The following KCNG2 variants were observed in gnomAD, a reference collection of about 807,000 sequenced individuals.
The protein encoded by KCNG2 is potassium voltage-gated channel modifier subfamily G member 2.
A neutral mutation model predicts 12.3 loss-of-function variants in KCNG2; 7 were observed. The observed-to-expected ratio is 0.57, with a 90% CI of 0.32 to 1.07. KCNG2 has a LOEUF of 1.07. KCNG2 is among the 50% of genes least tolerant of loss of function. KCNG2 has a pLI of 0.04. For synonymous variants in KCNG2, 414 were observed against 351.4 expected, an observed-to-expected ratio of 1.18 and a Z score of -1.99; for missense variants, 703 against 726.0, an observed-to-expected ratio of 0.97 and a Z score of 0.36.
rs1414153313 is a variant in KCNG2, at chr18:79,884,967, G to A, written c.625-14073G>A. On this transcript the variant is annotated intron_variant, in intron 3 of 3. Coordinates refer to ENST00000316249, the MANE Select transcript of KCNG2 (RefSeq NM_012283.2). The surrounding 1 kb of genome is among the most constrained non-coding windows in gnomAD (Gnocchi z 5.5). ...AGCCCACACTGATCTCTGAGTGTGC[G>A]GTCCACTTTCCCTCCCCAAAGAAGC... Among the ~76,000 whole-genome samples, 2 of 152,184 alleles carry A rather than the reference G, an allele frequency of 1.3e-5. No homozygotes were observed. Among genetic ancestry groups the A allele is most frequent in the Non-Finnish European group, 2.9e-5 (2 of 68,024 alleles).
intron 3 of KCNG2, among the ~76,000 whole-genome samples, chr18:79,875,201 C>T (rs538888998): frequency 6.2e-4 from 95 of 152,288 alleles, no homozygotes; most frequent in Non-Finnish European, 1.1e-3. Flanking sequence ...AGGAGATTGC[C>T]CTACGTTGTC....
rs569258607 is a variant in KCNG2 at position 79,883,785 on chromosome 18, G to A, written c.625-15255G>A. On this transcript the variant is annotated intron_variant, in intron 3 of 3. Coordinates refer to ENST00000316249, the MANE Select transcript of KCNG2 (RefSeq NM_012283.2). The stretch of plus-strand genomic sequence containing the variant: ...GTACCCTGGGTAAACGCTGGCCGGT[G>A]AGCACACAGCGTTCCCAGCAGGCAT... 4.2e-4 allele frequency among the ~76,000 whole-genome samples: 64 copies of A among 152,352 alleles called. 1 individual carries two copies. Among genetic ancestry groups the A allele is most frequent in the African/African-American group, 1.4e-3 (59 of 41,586 alleles).
At chr18:79,865,894 C>CTG (rs142717800) in intron 3 of KCNG2, among the ~76,000 whole-genome samples, 1 of 50,370 alleles carries the variant, frequency 2.0e-5, no homozygotes, top group African/African-American at 4.3e-5. Context: ...GCTGAGAAGT[C>CTG]TGTGCTGAGA....
At chr18:79,852,228 C>T (rs1271158776) in intron 1 of KCNG2, among the ~76,000 whole-genome samples, 3 of 152,204 alleles carry the variant, frequency 2.0e-5, no homozygotes, top group Non-Finnish European at 2.9e-5. Context: ...TTCGGGGAAG[C>T]GCGCTCCCAT....
intron 3 of KCNG2, among the ~76,000 whole-genome samples, chr18:79,896,295 T>C (rs1980973009): frequency 6.6e-6 from 1 of 152,220 alleles, no homozygotes; most frequent in Non-Finnish European, 1.5e-5. Flanking sequence ...TTTTTTTTTT[T>C]TTTAGTTCTT....
chr18:79,823,557 G>A (rs1466586732), intron 1 of KCNG2, among the ~76,000 whole-genome samples: 2 of 152,112 alleles, frequency 1.3e-5, no homozygotes, highest in Non-Finnish European at 2.9e-5. Context: ...TTACGAGTGT[G>A]CTTGAACATG....
At chr18:79,801,971 G>C (rs1323320990) in intron 1 of KCNG2, among the ~76,000 whole-genome samples, 1 of 152,184 alleles carries the variant, frequency 6.6e-6, no homozygotes, top group Non-Finnish European at 1.5e-5. Context: ...GGGGTCCCAG[G>C]TGGTGGGTCA....
At chr18:79,867,452 TTGGGGGGGGGACCGTGA>T (rs1979639186) in intron 3 of KCNG2, among the ~76,000 whole-genome samples, 2 of 28,206 alleles carry the variant, frequency 7.1e-5, no homozygotes, top group African/African-American at 1.3e-4. Context: ...GTGTCGTGTC[TTGGGGGGGGGACCGTGA>T]GCCCGGCGTT....
chr18:79,874,077 C>T (rs1377360054), intron 3 of KCNG2, among the ~76,000 whole-genome samples: 2 of 152,248 alleles, frequency 1.3e-5, no homozygotes, highest in Admixed American at 6.5e-5. Flanking sequence ...CAGGCAGGCG[C>T]TGTCTCCTGA....
rs1599358119 is a variant in KCNG2 at position 79,799,156 on chromosome 18, C to T, written c.-115+1142C>T. 2.6e-5 allele frequency among the ~76,000 whole-genome samples: 4 copies of T among 152,364 alleles called. No individual in the cohort carries two copies. The South Asian group carries it at 8.3e-4, about 32-fold the overall frequency. ...GCAGATTGTAAATAATGGATTTTGA[C>T]CCAGCTGGGAGATCTCAGAGTGATT... On this transcript the variant is annotated intron_variant, in intron 1 of 3. Transcript: ENST00000316249.
At chr18:79,891,845 T>C (rs1599437276) in intron 3 of KCNG2, among the ~76,000 whole-genome samples, 1 of 152,168 alleles carries the variant, frequency 6.6e-6, no homozygotes, top group Non-Finnish European at 1.5e-5. Context: ...TATTGAGTTG[T>C]CCGGTGCCAT....
chr18:79,884,172 C>A lies in KCNG2; in HGVS notation c.625-14868C>A, dbSNP rs1980428574. ...GCCAGCACGAAGCCAGAGCTCAGCTCCCCAGCACAGCACAGAAGCTGCAGG... is the reference window on the plus strand; with the variant it reads ...GCCAGCACGAAGCCAGAGCTCAGCTACCCAGCACAGCACAGAAGCTGCAGG... On this transcript the variant is annotated intron_variant, in intron 3 of 3. Coordinates refer to ENST00000316249, the MANE Select transcript of KCNG2 (RefSeq NM_012283.2). The surrounding 1 kb of genome is among the most constrained non-coding windows in gnomAD (Gnocchi z 5.5). Among the ~76,000 whole-genome samples, 1 of 152,162 alleles carries A rather than the reference C, an allele frequency of 6.6e-6. No homozygotes were observed. The highest frequency in any genetic ancestry group is 1.5e-5 in the Non-Finnish European group (1 of 68,020).
intron 1 of KCNG2, among the ~76,000 whole-genome samples, chr18:79,844,544 A>G (rs1978560677): frequency 6.6e-6 from 1 of 152,258 alleles, no homozygotes. Context: ...TAGATCTTAA[A>G]TGTTCTCACC....
chr18:79,889,819 C>T (rs1046573609), intron 3 of KCNG2, among the ~76,000 whole-genome samples: 1 of 152,212 alleles, frequency 6.6e-6, no homozygotes, highest in Admixed American at 6.5e-5. Flanking sequence ...CGTTCCTGAA[C>T]GGAGGGAGCA....
intron 1 of KCNG2, among the ~76,000 whole-genome samples, chr18:79,810,721 A>G (rs940636482): frequency 1.3e-5 from 2 of 152,224 alleles, no homozygotes. Context: ...CTACAATCAC[A>G]CCATCACACT....
In KCNG2 at chr18:79,839,384, A is replaced by G. The variant is rs76194035; in HGVS notation, c.-114-16995A>G. ...GTTACCAACGTCAGGAACAAAATAG[A>G]GGACATAACTGCATACCCTGTAGAC... On this transcript the variant is annotated intron_variant, in intron 1 of 3. Coordinates refer to ENST00000316249, the MANE Select transcript of KCNG2 (RefSeq NM_012283.2). Among the ~76,000 whole-genome samples the G allele has an allele frequency of 1.1e-4, 16 of 152,342 alleles. No individual in the cohort carries two copies. In the East Asian group the frequency reaches 3.1e-3, roughly 29 times the overall value.
Position 79,899,714 on chromosome 18 carries a change from C to A in KCNG2, c.1299C>A (p.Ser433Arg). ...CCGAGCCGGCCCTGCAGGAGGACAG[C>A]ACGCACTCGGCCACAGCCACCGAGG... ...ASPEPALQEDSTHSATATEDS... is the reference protein window; with the variant it reads ...ASPEPALQEDRTHSATATEDS... The change falls in exon 4 of 4, where the codon AGC becomes AGA. Residue 433 changes from serine (S) to arginine (R), a missense_variant. Transcript: ENST00000316249. The A allele has an allele frequency of 6.2e-7, 1 of 1,604,616 alleles. No homozygotes were observed. The highest frequency in any genetic ancestry group is 8.5e-7 in the Non-Finnish European group (1 of 1,177,514).
chr18:79,848,095 TC>T (rs1455444994), intron 1 of KCNG2, among the ~76,000 whole-genome samples: 1 of 152,230 alleles, frequency 6.6e-6, no homozygotes, highest in East Asian at 1.9e-4. Context: ...GCAGAGCTTC[TC>T]CCGGTGAAGG....
At chr18:79,892,063 C>T (rs1040413650) in intron 3 of KCNG2, among the ~76,000 whole-genome samples, 14 of 148,656 alleles carry the variant, frequency 9.4e-5, no homozygotes, top group African/African-American at 2.5e-4. Context: ...TGCAGTGAGT[C>T]GAGATCGCAA....
Sources: gnomAD v4.1 joint callset for allele counts (sites outside exome capture counted in the v4.1 genomes callset) on GRCh38, gnomAD v4.1.1 for gene constraint, Gnocchi (gnomAD v3.1) non-coding constraint, MANE v1.5 for transcripts, NCBI Gene and HGNC (gene_info 2026-07-23, HGNC 2026-07-21) for gene names.